Variants in ADAMTSL1 observed in about 807,000 individuals in gnomAD.
ADAMTSL1 encodes ADAMTS like 1, also known as ADAMTS-like protein 1.
Under a neutral mutation model 201.8 loss-of-function variants are expected in ADAMTSL1, and 126 were observed. That is an observed-to-expected ratio of 0.62 (90% CI 0.54 to 0.72). ADAMTSL1 has a LOEUF of 0.72. ADAMTSL1 is among the 30% of genes least tolerant of loss of function. The pLI is 0.00. For synonymous variants in ADAMTSL1, 1,121 were observed against 903.4 expected, an observed-to-expected ratio of 1.24 and a Z score of -4.32; for missense variants, 2,679 against 2,277.8, an observed-to-expected ratio of 1.18 and a Z score of -3.59.
chr9:18,164,870 A>G (rs1827564587), intron 2 of ADAMTSL1, among the ~76,000 whole-genome samples: 1 of 151,886 alleles, frequency 6.6e-6, no homozygotes, highest in Non-Finnish European at 1.5e-5. Flanking sequence ...CAGACAGAGT[A>G]AATTGGCTCT....
intron 2 of ADAMTSL1, among the ~76,000 whole-genome samples, chr9:18,242,312 C>G (rs75373139): frequency 0.012 from 1,857 of 152,170 alleles, 50 homozygotes; most frequent in African/African-American, 0.043. Flanking sequence ...AGTCAAAAAT[C>G]CTTTCTTAAT....
At chr9:18,209,010 T>A (rs1829761785) in intron 2 of ADAMTSL1, among the ~76,000 whole-genome samples, 1 of 152,188 alleles carries the variant, frequency 6.6e-6, no homozygotes, top group African/African-American at 2.4e-5. Flanking sequence ...AAGATGCTTG[T>A]GGATTGTGAC....
At chr9:18,508,784 A>G (rs1257162597) in intron 2 of ADAMTSL1, among the ~76,000 whole-genome samples, 1 of 152,214 alleles carries the variant, frequency 6.6e-6, no homozygotes, top group East Asian at 1.9e-4. Flanking sequence ...AATAAAATAC[A>G]TTCTAACATT....
intron 16 of ADAMTSL1, among the ~76,000 whole-genome samples, chr9:18,755,137 G>A (rs1819680031): frequency 6.6e-6 from 1 of 152,186 alleles, no homozygotes; most frequent in Admixed American, 6.5e-5. Flanking sequence ...TACAGATGAT[G>A]TAACTGTGGC....
chr9:18,370,125 C>T (rs1188543505), intron 2 of ADAMTSL1, among the ~76,000 whole-genome samples: 2 of 151,898 alleles, frequency 1.3e-5, no homozygotes, highest in Non-Finnish European at 2.9e-5. Context: ...ACTAAAAATA[C>T]AAAAATTAGC....
At chr9:18,649,021 A>G (rs1458664316) in intron 7 of ADAMTSL1, among the ~76,000 whole-genome samples, 30 of 152,192 alleles carry the variant, frequency 2.0e-4, no homozygotes, top group African/African-American at 6.0e-4. Flanking sequence ...ACTTTCAGGT[A>G]CACCAATCAG....
intron 2 of ADAMTSL1, among the ~76,000 whole-genome samples, chr9:18,289,806 A>C (rs761243736): frequency 4.6e-5 from 7 of 152,188 alleles, no homozygotes; most frequent in Non-Finnish European, 8.8e-5. Context: ...AGTATGAAAA[A>C]CTTTCTTCTC....
chr9:18,905,981 T>C, intron 27 of ADAMTSL1, 90 bp downstream of exon 27: 2 of 1,182,380 alleles, frequency 1.7e-6, no homozygotes, highest in Non-Finnish European at 2.4e-6. Context: ...TCCAACTAAC[T>C]TACCACAGTC....
At chr9:18,443,577 C>G (rs763047078) in intron 2 of ADAMTSL1, among the ~76,000 whole-genome samples, 5 of 152,044 alleles carry the variant, frequency 3.3e-5, no homozygotes, top group Non-Finnish European at 7.4e-5. Context: ...AGGAGTGTTT[C>G]TAAGAAAATG....
At chr9:18,501,959 A>T (rs1822866729) in intron 1 of ADAMTSL1, among the ~76,000 whole-genome samples, 1 of 152,224 alleles carries the variant, frequency 6.6e-6, no homozygotes. Context: ...GTACTTCTTC[A>T]AACAAGGCAC....
intron 1 of ADAMTSL1, among the ~76,000 whole-genome samples, chr9:17,961,531 G>A (rs576400491): frequency 1.4e-4 from 22 of 152,280 alleles, no homozygotes; most frequent in East Asian, 3.9e-4. Flanking sequence ...GATTACAGGC[G>A]TGAGCCACCA....
chr9:18,261,318 T>C (rs963904859), intron 2 of ADAMTSL1, among the ~76,000 whole-genome samples: 10 of 152,166 alleles, frequency 6.6e-5, no homozygotes, highest in African/African-American at 2.4e-4. Context: ...ATCACAGGGA[T>C]CCGTTTGCAC....
Position 18,081,927 on chromosome 9 carries a change from T to C in ADAMTSL1, c.88-81935T>C, listed in dbSNP as rs994173885. Among the ~76,000 whole-genome samples the C allele has an allele frequency of 5.3e-5, 8 of 152,338 alleles. No homozygotes were observed. The East Asian group carries it at 1.2e-3, about 22-fold the overall frequency. Reference sequence around the variant, plus strand: ...CAGGTAAACATTTTATATGCACTTATGATGTGAGGACAAGGTTAAGATTGA... The same window carrying C: ...CAGGTAAACATTTTATATGCACTTACGATGTGAGGACAAGGTTAAGATTGA... On this transcript the variant is annotated intron_variant, in intron 1 of 29. Transcript: ENST00000680146.
chr9:17,945,580 T>A (rs1356496115), intron 1 of ADAMTSL1, among the ~76,000 whole-genome samples: 2 of 152,174 alleles, frequency 1.3e-5, no homozygotes, highest in Middle Eastern at 3.4e-3. Flanking sequence ...TGTCCAACAA[T>A]GATAGACTGG....
At chr9:18,227,750 C>T (rs1372680266) in intron 2 of ADAMTSL1, among the ~76,000 whole-genome samples, 1 of 152,194 alleles carries the variant, frequency 6.6e-6, no homozygotes, top group Non-Finnish European at 1.5e-5. Context: ...TGATCACTAT[C>T]TCCTCAACTC....
chr9:18,505,014 A>G, intron 2 of ADAMTSL1, 58 bp downstream of exon 2: 1 of 1,560,486 alleles, frequency 6.4e-7, no homozygotes, highest in Non-Finnish European at 8.6e-7. Context: ...GGTTTGAGGC[A>G]TGCTTTTGTG....
At chr9:18,179,818 C>G (rs1433219570) in intron 2 of ADAMTSL1, among the ~76,000 whole-genome samples, 1 of 152,078 alleles carries the variant, frequency 6.6e-6, no homozygotes, top group East Asian at 1.9e-4. Flanking sequence ...TACAGACAAG[C>G]AAATGCTGAG....
chr9:18,600,813 A>C (rs569799516), intron 4 of ADAMTSL1, among the ~76,000 whole-genome samples: 11 of 152,342 alleles, frequency 7.2e-5, no homozygotes, highest in Admixed American at 6.5e-4. Context: ...AGAAACAAAA[A>C]TATAAACTCT....
chr9:18,272,548 C>T (rs1468827440), intron 2 of ADAMTSL1, among the ~76,000 whole-genome samples: 1 of 152,174 alleles, frequency 6.6e-6, no homozygotes, highest in Non-Finnish European at 1.5e-5. Context: ...TAGGCATGGG[C>T]AATGAAATCA....
Sources: gnomAD v4.1 joint callset for allele counts (sites outside exome capture counted in the v4.1 genomes callset) on GRCh38, gnomAD v4.1.1 for gene constraint, MANE v1.5 for transcripts, NCBI Gene and HGNC (gene_info 2026-07-23, HGNC 2026-07-21) for gene names.